Variants in UBE2E3 observed in about 807,000 individuals in gnomAD.
UBE2E3 encodes the protein ubiquitin conjugating enzyme E2 E3.
A neutral mutation model predicts 23.6 loss-of-function variants in UBE2E3; 5 were observed. That is an observed-to-expected ratio of 0.21 (90% CI 0.11 to 0.44). The LOEUF is 0.44. Ranked by LOEUF, UBE2E3 falls within the 20% of genes least tolerant of loss-of-function variation. UBE2E3 has a pLI of 0.99. For synonymous variants in UBE2E3, 78 were observed against 87.5 expected, an observed-to-expected ratio of 0.89 and a Z score of 0.60; for missense variants, 81 against 249.8, an observed-to-expected ratio of 0.32 and a Z score of 4.55.
intron 3 of UBE2E3, among the ~76,000 whole-genome samples, chr2:181,034,028 C>G (rs1032671816): frequency 1.3e-5 from 2 of 152,162 alleles, no homozygotes; most frequent in African/African-American, 4.8e-5. Context: ...CAGGAAACAA[C>G]AGGTGCTGGA....
chr2:180,980,473 T>G (rs1057250403), upstream of UBE2E3: 3 of 149,512 alleles, frequency 2.0e-5, no homozygotes, highest in Non-Finnish European at 4.5e-5. This position sits in a 1 kb window ranked among gnomAD's most constrained non-coding sequence, Gnocchi z 5.5. Context: ...AGGGGAGGTG[T>G]GGAGAGCGCG....
chr2:180,984,334 GA>G (rs1306977229), intron 3 of UBE2E3, among the ~76,000 whole-genome samples: 1 of 152,172 alleles, frequency 6.6e-6, no homozygotes, highest in Non-Finnish European at 1.5e-5. Flanking sequence ...ATATTCATAT[GA>G]ATGGTGCTGA....
intron 3 of UBE2E3, among the ~76,000 whole-genome samples, chr2:181,023,433 A>G (rs1685771250): frequency 6.6e-6 from 1 of 152,196 alleles, no homozygotes; most frequent in Non-Finnish European, 1.5e-5. Flanking sequence ...TATCAATGAT[A>G]TTTGTTACAA....
Position 180,997,408 on chromosome 2 carries a change from G to A in UBE2E3, c.245+13315G>A, listed in dbSNP as rs149303290. On this transcript the variant is annotated intron_variant, in intron 3 of 5. Transcript: ENST00000410062. The stretch of plus-strand genomic sequence containing the variant: ...TCTGTTTCTTTTTTGTTTTGTATGC[G>A]CATGTTCTCTTCAGTTTCATCTTCT... Among the ~76,000 whole-genome samples the A allele has an allele frequency of 9.7e-3, 1,473 of 151,508 alleles. 26 individuals are homozygous for A. Among genetic ancestry groups the A allele is most frequent in the South Asian group, 0.051 (244 of 4,798 alleles).
intron 3 of UBE2E3, among the ~76,000 whole-genome samples, chr2:180,992,744 C>T (rs1157802208): frequency 6.6e-6 from 1 of 152,100 alleles, no homozygotes; most frequent in Non-Finnish European, 1.5e-5. Flanking sequence ...TCACCGCAAC[C>T]TCTGCCTCCC....
intron 3 of UBE2E3, among the ~76,000 whole-genome samples, chr2:181,040,373 T>C (rs1387732779): frequency 6.6e-6 from 1 of 152,228 alleles, no homozygotes; most frequent in Non-Finnish European, 1.5e-5. Flanking sequence ...TTATTTCTTT[T>C]ATCCCTACTA....
chr2:180,984,679 T>G (rs149391174), intron 3 of UBE2E3, among the ~76,000 whole-genome samples: 96 of 152,312 alleles, frequency 6.3e-4, no homozygotes, highest in African/African-American at 2.2e-3. Flanking sequence ...TTAGTAATTT[T>G]GGTGGTTGGA....
intron 3 of UBE2E3, among the ~76,000 whole-genome samples, chr2:181,030,990 ATTTAC>A (rs1231486514): frequency 1.3e-5 from 2 of 151,852 alleles, no homozygotes; most frequent in Non-Finnish European, 2.9e-5. Context: ...TACCTTTTCT[ATTTAC>A]TTGAGCTAAT....
At chr2:181,032,090 G>C (rs889675152) in intron 3 of UBE2E3, among the ~76,000 whole-genome samples, 5 of 152,112 alleles carry the variant, frequency 3.3e-5, no homozygotes, top group African/African-American at 1.2e-4. Context: ...ACTTTGCTGA[G>C]GTTTTCATTC....
At chr2:181,024,071 G>C (rs2048976) in intron 3 of UBE2E3, among the ~76,000 whole-genome samples, 35,262 of 151,852 alleles carry the variant, frequency 0.23, 4,458 homozygotes, top group Non-Finnish European at 0.28. Flanking sequence ...TTCTCCTATT[G>C]ATACTGTCGT....
At chr2:181,031,628 C>T (rs1261232643) in intron 3 of UBE2E3, among the ~76,000 whole-genome samples, 4 of 152,028 alleles carry the variant, frequency 2.6e-5, no homozygotes, top group Non-Finnish European at 5.9e-5. Flanking sequence ...TTTCTGCGCC[C>T]CTCCTCCTTG....
chr2:181,033,681 G>T (rs1014335646), intron 3 of UBE2E3, among the ~76,000 whole-genome samples: 2 of 152,020 alleles, frequency 1.3e-5, no homozygotes, highest in Non-Finnish European at 2.9e-5. Context: ...TAGACAAATG[G>T]GATCTCATTA....
At chr2:180,983,403 A>G (rs982976841) in intron 2 of UBE2E3, among the ~76,000 whole-genome samples, 1 of 152,216 alleles carries the variant, frequency 6.6e-6, no homozygotes, top group African/African-American at 2.4e-5. Context: ...CAAATCAGAG[A>G]ACTGCTTTTC....
intron 3 of UBE2E3, among the ~76,000 whole-genome samples, chr2:181,018,740 C>T (rs1394962747): frequency 6.6e-6 from 1 of 151,798 alleles, no homozygotes; most frequent in Non-Finnish European, 1.5e-5. Context: ...CAGTTGGTAA[C>T]ATCTTAACAA....
At chr2:181,060,574 T>C in intron 4 of UBE2E3, 91 bp from the exon 5 acceptor site, 1 of 1,191,004 alleles carries the variant, frequency 8.4e-7, no homozygotes, top group Non-Finnish European at 1.1e-6. Flanking sequence ...TTTAGTATCA[T>C]CTATGATATA....
chr2:181,047,275 GT>G (rs1686698068), intron 3 of UBE2E3, among the ~76,000 whole-genome samples: 1 of 152,086 alleles, frequency 6.6e-6, no homozygotes, highest in African/African-American at 2.4e-5. Context: ...GGACTTAGGT[GT>G]GGTGGTCTCA....
intron 3 of UBE2E3, among the ~76,000 whole-genome samples, chr2:181,030,224 ATACTT>A (rs1437179525): frequency 6.6e-6 from 1 of 152,094 alleles, no homozygotes; most frequent in Admixed American, 6.5e-5. Context: ...ATTTTAATGA[ATACTT>A]TATCTACTAA....
At chr2:181,000,497 T>C (rs1684957999) in intron 3 of UBE2E3, among the ~76,000 whole-genome samples, 1 of 152,072 alleles carries the variant, frequency 6.6e-6, no homozygotes, top group African/African-American at 2.4e-5. Flanking sequence ...AAGTATAGTA[T>C]AAATGGTATC....
intron 3 of UBE2E3, among the ~76,000 whole-genome samples, chr2:181,011,812 C>T (rs1249199215): frequency 1.3e-5 from 2 of 152,060 alleles, no homozygotes; most frequent in Admixed American, 6.6e-5. Context: ...CATGTGTCCT[C>T]CTTTTAAGTG....
Sources: allele counts gnomAD v4.1 joint callset (sites outside exome capture counted in the v4.1 genomes callset), GRCh38; gene constraint gnomAD v4.1.1; non-coding constraint Gnocchi (gnomAD v3.1); transcripts MANE v1.5; gene names NCBI Gene and HGNC (gene_info 2026-07-23, HGNC 2026-07-21).